Variants in STK35 observed in about 807,000 individuals in gnomAD.
STK35 encodes the protein serine/threonine kinase 35.
In STK35, 17 loss-of-function variants were observed where a neutral mutation model predicts 37.3. The ratio of observed to expected loss-of-function variants is 0.46; its 90% CI spans 0.31 to 0.68. The LOEUF (loss-of-function observed/expected upper bound fraction) is 0.68. Ranked by LOEUF, STK35 falls within the 30% of genes least tolerant of loss-of-function variation. The pLI is 0.05. For synonymous variants in STK35, 385 were observed against 319.1 expected, an observed-to-expected ratio of 1.21 and a Z score of -2.20; for missense variants, 595 against 746.7, an observed-to-expected ratio of 0.80 and a Z score of 2.37.
intron 2 of STK35, among the ~76,000 whole-genome samples, chr20:2,110,826 A>G (rs1005931642): frequency 5.9e-5 from 9 of 152,148 alleles, no homozygotes; most frequent in African/African-American, 2.2e-4. Flanking sequence ...TGCTGTGGGA[A>G]CTAGCACATC....
intron 3 of STK35, among the ~76,000 whole-genome samples, chr20:2,126,143 C>A (rs181939346): frequency 1.3e-3 from 193 of 152,342 alleles, no homozygotes; most frequent in African/African-American, 4.4e-3. Context: ...GATTCCGTCA[C>A]TCATGCTTAC....
intron 3 of STK35, among the ~76,000 whole-genome samples, chr20:2,128,873 G>A (rs1268880788): frequency 2.6e-5 from 4 of 152,042 alleles, no homozygotes; most frequent in African/African-American, 4.8e-5. Flanking sequence ...GTGGAGTCTC[G>A]CTCTGTTGCC....
At chr20:2,113,145 A>G (rs1985651471) in intron 2 of STK35, among the ~76,000 whole-genome samples, 1 of 152,068 alleles carries the variant, frequency 6.6e-6, no homozygotes, top group Non-Finnish European at 1.5e-5. Context: ...GTAATCCCCT[A>G]AAGTTTGATT....
chr20:2,117,484 G>A lies in STK35; in HGVS notation c.*37+69G>A. On this transcript the variant is annotated intron_variant, in intron 3 of 3. Coordinates refer to ENST00000381482, the MANE Select transcript of STK35 (RefSeq NM_080836.4). The surrounding 1 kb of genome is among the most constrained non-coding windows in gnomAD (Gnocchi z 4.4). ...AGGGTCTCACTCTGTTGGTCAGGCT[G>A]GGGTGCAGCGGGTGCAGTGGCAGGA... The A allele has an allele frequency of 3.5e-6, 3 of 856,154 alleles. No individual in the cohort carries two copies. Among genetic ancestry groups the A allele is most frequent in the Non-Finnish European group, 5.3e-6 (3 of 568,420 alleles). The allele number at this position is 856,154 out of a possible 1,614,324, so 53.0% of individuals were successfully genotyped here. A position where few individuals can be genotyped will look rare whatever the true frequency, so the allele number is the denominator to read the frequency against.
chr20:2,106,298 A>C (rs552166568), intron 2 of STK35, among the ~76,000 whole-genome samples: 3 of 152,312 alleles, frequency 2.0e-5, no homozygotes, highest in African/African-American at 7.2e-5. Context: ...TAAATAGAAA[A>C]GTCCTTTACA....
At chr20:2,129,524 A>T (rs1007035834) in intron 3 of STK35, among the ~76,000 whole-genome samples, 2 of 152,090 alleles carry the variant, frequency 1.3e-5, no homozygotes, top group African/African-American at 4.8e-5. Context: ...TAAAAAGGAA[A>T]ACATGCATGC....
At chr20:2,120,952 C>T (rs1323546036) in intron 3 of STK35, among the ~76,000 whole-genome samples, 2 of 152,042 alleles carry the variant, frequency 1.3e-5, no homozygotes, top group African/African-American at 2.4e-5. Context: ...GAGTGGGTCT[C>T]CCAGAGACGG....
At position 2,117,945 on chromosome 20, in the gene STK35, A is replaced by T. The variant is rs1985747167; in HGVS notation, c.*37+530A>T. Among the ~76,000 whole-genome samples the T allele has an allele frequency of 6.6e-6, 1 of 152,188 alleles. No individual in the cohort carries two copies. The highest frequency in any genetic ancestry group is 2.4e-5 in the African/African-American group (1 of 41,446). ...AAGTCTAGAGAAGTCTTCTCAGAGG[A>T]GGTTGCGTTTAAGCCGAGTCTCCCT... On this transcript the variant is annotated intron_variant, in intron 3 of 3. Coordinates refer to ENST00000381482, the MANE Select transcript of STK35 (RefSeq NM_080836.4). The surrounding 1 kb of genome is among the most constrained non-coding windows in gnomAD (Gnocchi z 4.4).
rs751654259 is a variant in STK35, at chr20:2,101,849, G to A, written c.-33G>A. The stretch of plus-strand genomic sequence containing the variant: ...TCCGTCGACCTTTGCAGGACCGGGC[G>A]GTGCAGGGCTCACTCGGCTGGCGTC... On this transcript the variant is annotated 5_prime_UTR_variant, in exon 1 of 4. Coordinates refer to ENST00000381482, the MANE Select transcript of STK35 (RefSeq NM_080836.4). The A allele has an allele frequency of 4.5e-6, 6 of 1,328,698 alleles. No homozygotes were observed. Among genetic ancestry groups the A allele is most frequent in the South Asian group, 1.8e-5 (1 of 54,194 alleles). The allele number at this position is 1,328,698 out of a possible 1,614,324, so 82.3% of individuals were successfully genotyped here.
At chr20:2,115,954 C>T (rs749292146) in intron 2 of STK35, among the ~76,000 whole-genome samples, 1 of 151,996 alleles carries the variant, frequency 6.6e-6, no homozygotes, top group Non-Finnish European at 1.5e-5. Flanking sequence ...TCAGATCTGG[C>T]GACTCCTGCC....
At chr20:2,114,312 A>G (rs1985674545) in intron 2 of STK35, among the ~76,000 whole-genome samples, 1 of 152,102 alleles carries the variant, frequency 6.6e-6, no homozygotes, top group Non-Finnish European at 1.5e-5. Flanking sequence ...CCCGGCCTCA[A>G]AAGTACTTCT....
At chr20:2,116,202 G>T (rs1439876473) in intron 2 of STK35, among the ~76,000 whole-genome samples, 1 of 151,994 alleles carries the variant, frequency 6.6e-6, no homozygotes, top group African/African-American at 2.4e-5. Flanking sequence ...GGAAATTCTA[G>T]TGCCATTCTA....
intron 2 of STK35, among the ~76,000 whole-genome samples, chr20:2,105,270 T>G (rs1437788743): frequency 6.6e-6 from 1 of 152,216 alleles, no homozygotes; most frequent in African/African-American, 2.4e-5. Flanking sequence ...TCTTCTCCTT[T>G]ACTGCCAATG....
In STK35 at chr20:2,128,401, C is replaced by G. The variant is rs543965591; in HGVS notation, c.*37+10986C>G. Among the ~76,000 whole-genome samples the G allele has an allele frequency of 2.6e-5, 4 of 152,266 alleles. No homozygotes were observed. The South Asian group carries it at 8.3e-4, about 32-fold the overall frequency. ...TAATTACCTAGCACTGTGACTTGGA[C>G]AAGTCACTCCTCCAGAGAACCAAGG... On this transcript the variant is annotated intron_variant, in intron 3 of 3. Transcript: ENST00000381482.
intron 3 of STK35, among the ~76,000 whole-genome samples, chr20:2,135,724 G>T (rs1005045631): frequency 6.6e-6 from 1 of 152,170 alleles, no homozygotes; most frequent in Middle Eastern, 3.2e-3. Flanking sequence ...TTAGCCGGGC[G>T]TGGTGGTGCG....
chr20:2,115,301 C>T (rs1475332534), intron 2 of STK35, among the ~76,000 whole-genome samples: 1 of 152,122 alleles, frequency 6.6e-6, no homozygotes, highest in Non-Finnish European at 1.5e-5. Flanking sequence ...AGAGCCTCAC[C>T]TAGATCACTC....
chr20:2,101,941 G>T lies in STK35; in HGVS notation c.60G>T (p.Lys20Asn). The T allele has an allele frequency of 6.6e-7, 1 of 1,504,490 alleles. No homozygotes were observed. The highest frequency in any genetic ancestry group is 8.9e-7 in the Non-Finnish European group (1 of 1,125,510). The allele number at this position is 1,504,490 out of a possible 1,614,324, so 93.2% of individuals were successfully genotyped here. Residue 20 changes from lysine (K) to asparagine (N), a missense_variant, in exon 1 of 4, where the codon AAG (lysine) becomes AAT (asparagine). This residue lies in a region of STK35 where 389 missense variants were observed against 320.0 expected (regional missense o/e 1.22). Transcript: ENST00000381482. ...RAPAGGAAYV[K>N]RLCKGLSWRE... ...CGGCGGGAGGTGCAGCTTATGTAAA[G>T]AGGTTATGTAAAGGGCTCAGCTGGC... is the stretch of plus-strand genomic sequence containing the variant.
At chr20:2,132,131 C>G (rs989465075) in intron 3 of STK35, among the ~76,000 whole-genome samples, 3 of 152,142 alleles carry the variant, frequency 2.0e-5, no homozygotes, top group African/African-American at 7.2e-5. Context: ...ACATGGCTAG[C>G]TCATGCCAGC....
In STK35 at chr20:2,148,134, G is replaced by A. The variant is rs1213782218; in HGVS notation, c.*4388G>A. ...GCCGTCCCGCTGGTTTTCTAGGAGAGCCCACAGGAGGAAGGGAGCCTCTTC... is the reference window on the plus strand; with the variant it reads ...GCCGTCCCGCTGGTTTTCTAGGAGAACCCACAGGAGGAAGGGAGCCTCTTC... On this transcript the variant is annotated 3_prime_UTR_variant, in exon 4 of 4. Transcript: ENST00000381482. 6.6e-6 allele frequency: 1 copy of A among 152,276 alleles called. No individual in the cohort carries two copies. Among genetic ancestry groups the A allele is most frequent in the Non-Finnish European group, 1.5e-5 (1 of 68,048 alleles). The allele number at this position is 152,276 out of a possible 1,614,324, so 9.4% of individuals were successfully genotyped here. A position where few individuals can be genotyped will look rare whatever the true frequency, so the allele number is the denominator to read the frequency against.
Sources: gnomAD v4.1 joint callset for allele counts (sites outside exome capture counted in the v4.1 genomes callset) on GRCh38, gnomAD v4.1.1 for gene constraint, gnomAD v4.1.1 regional missense constraint, Gnocchi (gnomAD v3.1) non-coding constraint, MANE v1.5 for transcripts, NCBI Gene and HGNC (gene_info 2026-07-23, HGNC 2026-07-21) for gene names.